CNNM3: variants seen among roughly 807,000 people sequenced by gnomAD.
The protein encoded by CNNM3 is cyclin and CBS domain divalent metal cation transport mediator 3, also known as metal transporter CNNM3.
CNNM3 carries 47 observed loss-of-function variants against 57.1 expected under a neutral mutation model. The observed-to-expected ratio is 0.82, with a 90% CI of 0.65 to 1.05. The LOEUF is 1.05. CNNM3 is among the 50% of genes least tolerant of loss of function. CNNM3 has a pLI of 0.00. For synonymous variants in CNNM3, 507 were observed against 478.2 expected, an observed-to-expected ratio of 1.06 and a Z score of -0.79; for missense variants, 957 against 973.7, an observed-to-expected ratio of 0.98 and a Z score of 0.23.
rs773360282 is a variant in CNNM3 at position 96,817,211 on chromosome 2, C to G, written c.934C>G (p.Arg312Gly). ...SDLSKGVLRC[R>G]TVEDVLTPLE... ...TCTCAGCAAGGGCGTGCTGCGCTGC[C>G]GGACCGTGGAGGACGTGCTCACGCC... The change falls in exon 1 of 8, where the codon CGG (arginine) becomes GGG (glycine). Residue 312 changes from arginine to glycine, a missense_variant. Transcript: ENST00000305510. 1.3e-6 allele frequency: 2 copies of G among 1,595,924 alleles called. No individual in the cohort carries two copies. Among genetic ancestry groups the G allele is most frequent in the Non-Finnish European group, 8.5e-7 (1 of 1,173,224 alleles).
In CNNM3 at chr2:96,833,093, G is replaced by A. The variant is rs2079633476; in HGVS notation, c.*477G>A. ...AAGCCGAGAGCACCCATTTTGGCTG[G>A]GGGTTCAGATCGATGGCCTTGTCCA... On this transcript the variant is annotated 3_prime_UTR_variant, in exon 8 of 8. Coordinates refer to ENST00000305510, the MANE Select transcript of CNNM3 (RefSeq NM_017623.5). The A allele has an allele frequency of 1.8e-6, 2 of 1,114,650 alleles. No homozygotes were observed. Among genetic ancestry groups the A allele is most frequent in the Non-Finnish European group, 2.4e-6 (2 of 832,268 alleles). The allele number at this position is 1,114,650 out of a possible 1,614,324, so 69.0% of individuals were successfully genotyped here. A position where few individuals can be genotyped will look rare whatever the true frequency, so the allele number is the denominator to read the frequency against.
Position 96,827,918 on chromosome 2 carries a change from G to C in CNNM3, c.1689+18G>C, listed in dbSNP as rs995381773. On this transcript the variant is annotated intron_variant, in intron 4 of 7. Transcript: ENST00000305510. ...TCCTGCAGGTAGCTGTGGGTCCCAG[G>C]CCTGGAGTCCCTCCTGCTTCCTCAG... 3.7e-6 allele frequency: 6 copies of C among 1,606,416 alleles called. No homozygotes were observed. The African/African-American group carries it at 6.7e-5, about 18-fold the overall frequency.
rs1212317797 is a variant in CNNM3, at chr2:96,835,002, T to C, written c.*2386T>C. Reference sequence around the variant, plus strand: ...AACAAAGACTCTGACACTGGTGCGATGTGGGTGGACAGTCCAAATCATTTG... The same window carrying C: ...AACAAAGACTCTGACACTGGTGCGACGTGGGTGGACAGTCCAAATCATTTG... On this transcript the variant is annotated 3_prime_UTR_variant, in exon 8 of 8. Coordinates refer to ENST00000305510, the MANE Select transcript of CNNM3 (RefSeq NM_017623.5). Among the ~76,000 whole-genome samples, 1 of 152,208 alleles carries C rather than the reference T, an allele frequency of 6.6e-6. No homozygotes were observed. The highest frequency in any genetic ancestry group is 2.4e-5 in the African/African-American group (1 of 41,456).
At chr2:96,824,939 C>T in intron 1 of CNNM3, 119 bp from the exon 2 acceptor site, 1 of 1,127,990 alleles carries the variant, frequency 8.9e-7, no homozygotes, top group Non-Finnish European at 1.3e-6. Context: ...GGCTCTGTGC[C>T]TGGCACGTTG....
Position 96,817,020 on chromosome 2 carries a change from C to T in CNNM3, c.743C>T (p.Thr248Met). The part of the protein sequence containing the change: ...VVPAAVSGRW[T>M]LALAPRALGL... ...CCGGCCGCCGTGAGCGGGCGCTGGACGCTGGCGCTGGCGCCGCGAGCGCTC... is the reference window on the plus strand; with the variant it reads ...CCGGCCGCCGTGAGCGGGCGCTGGATGCTGGCGCTGGCGCCGCGAGCGCTC... Residue 248 changes from threonine to methionine, a missense_variant, in exon 1 of 8, where the codon ACG (threonine) becomes ATG (methionine). Physicochemically the swap from Thr to Met is moderately conservative, Grantham distance 81. This residue lies in a region of CNNM3 where 466 missense variants were observed against 403.1 expected (regional missense o/e 1.16). Coordinates refer to ENST00000305510, the MANE Select transcript of CNNM3 (RefSeq NM_017623.5). 2.9e-6 allele frequency: 4 copies of T among 1,365,468 alleles called. No homozygotes were observed. The highest frequency in any genetic ancestry group is 3.8e-6 in the Non-Finnish European group (4 of 1,054,668). 84.6% of individuals were successfully genotyped at this position (1,365,468 alleles called of 1,614,324 possible).
Position 96,816,519 on chromosome 2 carries a change from C to T in CNNM3, c.242C>T (p.Pro81Leu). ...AACAGCTCTTGGTCCTGGGTGGCCC[C>T]GGAGGGGGCGGGCTGCCGGGAGGAG... ...FANSSWSWVAPEGAGCREEAA... is the reference protein window; with the variant it reads ...FANSSWSWVALEGAGCREEAA... Residue 81 changes from proline (P) to leucine (L), a missense_variant, in exon 1 of 8, where the codon CCG (proline) becomes CTG (leucine). By Grantham distance (98) the Pro-to-Leu change is moderately conservative (BLOSUM62 -3). Transcript: ENST00000305510. 5 of 1,388,174 alleles carry T rather than the reference C, an allele frequency of 3.6e-6. No homozygotes were observed. Among genetic ancestry groups the T allele is most frequent in the Non-Finnish European group, 3.7e-6 (4 of 1,069,626 alleles). 86.0% of individuals were successfully genotyped at this position (1,388,174 alleles called of 1,614,324 possible). A position where few individuals can be genotyped will look rare whatever the true frequency, so the allele number is the denominator to read the frequency against.
rs764346881 is a variant in CNNM3, at chr2:96,826,818, C to T, written c.1370-15C>T. 1.9e-6 allele frequency: 3 copies of T among 1,613,996 alleles called. No individual in the cohort carries two copies. The highest frequency in any genetic ancestry group is 1.7e-6 in the Non-Finnish European group (2 of 1,179,968). On this transcript the variant is annotated splice_polypyrimidine_tract_variant and intron_variant, in intron 2 of 7. Transcript: ENST00000305510. Reference sequence around the variant, plus strand: ...GGTGGCTGATGCCTGAGCGCGCCCTCTTCTTCCATCTTAGGAGACACCGTG... The same window carrying T: ...GGTGGCTGATGCCTGAGCGCGCCCTTTTCTTCCATCTTAGGAGACACCGTG...
chr2:96,831,780 C>T (rs2079606368), intron 7 of CNNM3, among the ~76,000 whole-genome samples: 1 of 152,250 alleles, frequency 6.6e-6, no homozygotes, highest in Non-Finnish European at 1.5e-5. Context: ...ATGCTGTGCT[C>T]CTGGCTTTCT....
chr2:96,823,786 A>C (rs2079448175), intron 1 of CNNM3, among the ~76,000 whole-genome samples: 1 of 152,152 alleles, frequency 6.6e-6, no homozygotes, highest in African/African-American at 2.4e-5. Context: ...ACTAGTGACA[A>C]ACGAGGGCCT....
At chr2:96,824,962 C>G (rs1192302118) in intron 1 of CNNM3, 96 bp from the exon 2 acceptor site, 1 of 1,411,010 alleles carries the variant, frequency 7.1e-7, no homozygotes, top group Non-Finnish European at 9.8e-7. Context: ...GGAGCATGAA[C>G]GTTAGCCGTG....
chr2:96,824,901 T>C, intron 1 of CNNM3, 157 bp from the exon 2 acceptor site: 2 of 750,528 alleles, frequency 2.7e-6, no homozygotes, highest in South Asian at 1.9e-5. Flanking sequence ...ACGCTGGGAG[T>C]CTTAAGTAAA....
chr2:96,828,088 A>G lies in CNNM3; in HGVS notation c.1690-11A>G. The G allele has an allele frequency of 6.2e-7, 1 of 1,612,306 alleles. No homozygotes were observed. Among genetic ancestry groups the G allele is most frequent in the Non-Finnish European group, 8.5e-7 (1 of 1,178,656 alleles). The stretch of plus-strand genomic sequence containing the variant: ...GGCCGCATCTGTTTCTCTCCTTGCC[A>G]CTCCTCCCAGGGCAGGGTTGAAGTG... On this transcript the variant is annotated splice_polypyrimidine_tract_variant and intron_variant, in intron 4 of 7. Coordinates refer to ENST00000305510, the MANE Select transcript of CNNM3 (RefSeq NM_017623.5).
At chr2:96,822,467 C>T (rs904067636) in intron 1 of CNNM3, among the ~76,000 whole-genome samples, 10 of 152,134 alleles carry the variant, frequency 6.6e-5, no homozygotes, top group African/African-American at 1.7e-4. Context: ...ACACCACCAT[C>T]CCCAGCTAAT....
rs2079629730 is a variant in CNNM3, at chr2:96,832,934, T to C, written c.*318T>C. 2 of 1,406,636 alleles carry C rather than the reference T, an allele frequency of 1.4e-6. No homozygotes were observed. Among genetic ancestry groups the C allele is most frequent in the Non-Finnish European group, 1.9e-6 (2 of 1,064,584 alleles). The allele number at this position is 1,406,636 out of a possible 1,614,324, so 87.1% of individuals were successfully genotyped here. A position where few individuals can be genotyped will look rare whatever the true frequency, so the allele number is the denominator to read the frequency against. ...CCCTTCTCCCCCGGGGCAGGGACAG[T>C]GCGGCATATTCAGATTCAGACCTCT... On this transcript the variant is annotated 3_prime_UTR_variant, in exon 8 of 8. Transcript: ENST00000305510.
chr2:96,823,877 A>G (rs937932625), intron 1 of CNNM3, among the ~76,000 whole-genome samples: 1 of 152,210 alleles, frequency 6.6e-6, no homozygotes, highest in Non-Finnish European at 1.5e-5. Flanking sequence ...GGGCTGTGCT[A>G]CCTAAAGGTG....
At position 96,832,977 on chromosome 2, in the gene CNNM3, G is replaced by A; in HGVS notation, c.*361G>A. 3 of 1,350,664 alleles carry A rather than the reference G, an allele frequency of 2.2e-6. No individual in the cohort carries two copies. Among genetic ancestry groups the A allele is most frequent in the Non-Finnish European group, 2.9e-6 (3 of 1,028,592 alleles). 83.7% of individuals were successfully genotyped at this position (1,350,664 alleles called of 1,614,324 possible). A position where few individuals can be genotyped will look rare whatever the true frequency, so the allele number is the denominator to read the frequency against. On this transcript the variant is annotated 3_prime_UTR_variant, in exon 8 of 8. Transcript: ENST00000305510. ...AGACCTCTTTGGGCTGAGCCACCTT[G>A]TGAGTGCAGTTACTGCCTTTGTGTG...
chr2:96,819,317 G>T (rs2079372258), intron 1 of CNNM3, among the ~76,000 whole-genome samples: 1 of 152,202 alleles, frequency 6.6e-6, no homozygotes, highest in South Asian at 2.1e-4. Flanking sequence ...AGCGGAGTAG[G>T]TTCCATCCTG....
rs532886553 is a variant in CNNM3 at position 96,817,754 on chromosome 2, C to T, written c.1225+252C>T. Among the ~76,000 whole-genome samples the T allele has an allele frequency of 2.0e-5, 3 of 151,970 alleles. No individual in the cohort carries two copies. In the South Asian group the frequency reaches 6.3e-4, roughly 32 times the overall value. On this transcript the variant is annotated intron_variant, in intron 1 of 7. Coordinates refer to ENST00000305510, the MANE Select transcript of CNNM3 (RefSeq NM_017623.5). Reference sequence around the variant, plus strand: ...TTTAACCCCCGCGTCAGGATAGCCCCCCCCCCCCATTTGCAGGGAGGGGTA... The same window carrying T: ...TTTAACCCCCGCGTCAGGATAGCCCTCCCCCCCCATTTGCAGGGAGGGGTA...
At chr2:96,817,562 G>A in intron 1 of CNNM3, 60 bp downstream of exon 1, 2 of 1,510,816 alleles carry the variant, frequency 1.3e-6, no homozygotes, top group Non-Finnish European at 1.8e-6. Context: ...CTGAAAAGGG[G>A]TGGAGAGTTA....
Sources: allele counts gnomAD v4.1 joint callset (sites outside exome capture counted in the v4.1 genomes callset), GRCh38; gene constraint gnomAD v4.1.1; regional missense constraint gnomAD v4.1.1; transcripts MANE v1.5; gene names NCBI Gene and HGNC (gene_info 2026-07-23, HGNC 2026-07-21).